The following ZNF568 variants were observed in gnomAD, a reference collection of about 807,000 sequenced individuals.
ZNF568 encodes p53 inhibitor of SCO2 activation.
In ZNF568, 11 loss-of-function variants were observed where a neutral mutation model predicts 18.1. The observed-to-expected ratio is 0.61, with a 90% CI of 0.38 to 1.00. The LOEUF (loss-of-function observed/expected upper bound fraction) is 1.00. Among genes scored for constraint, ZNF568 ranks in the 50% least tolerant of loss-of-function variants. The pLI is 0.01. For synonymous variants in ZNF568, 213 were observed against 246.6 expected, an observed-to-expected ratio of 0.86 and a Z score of 1.28; for missense variants, 639 against 768.2, an observed-to-expected ratio of 0.83 and a Z score of 1.99.
At chr19:36,973,582 G>C (rs2074255642) in intron 6 of ZNF568, 1 of 153,044 alleles carries the variant, frequency 6.5e-6, no homozygotes, top group Non-Finnish European at 1.5e-5. Flanking sequence ...GGAATGTTAG[G>C]AGGTCTAGGG....
At chr19:36,958,738 C>T (rs1458120896) in intron 6 of ZNF568, among the ~76,000 whole-genome samples, 2 of 150,766 alleles carry the variant, frequency 1.3e-5, no homozygotes, top group Admixed American at 6.6e-5. Flanking sequence ...CTTGCCTCAG[C>T]CTCCCAAGTA....
chr19:36,951,115 C>A lies in ZNF568; in HGVS notation c.*27C>A. 2 of 1,478,008 alleles carry A rather than the reference C, an allele frequency of 1.4e-6. No homozygotes were observed. Among genetic ancestry groups the A allele is most frequent in the Non-Finnish European group, 1.8e-6 (2 of 1,118,020 alleles). The allele number at this position is 1,478,008 out of a possible 1,614,324, so 91.6% of individuals were successfully genotyped here. A position where few individuals can be genotyped will look rare whatever the true frequency, so the allele number is the denominator to read the frequency against. Reference sequence around the variant, plus strand: ...TGAAAGAAGGCCTCTTAAATTCAACCCATGTTTTACTTAAAATATCTTGGC... The same window carrying A: ...TGAAAGAAGGCCTCTTAAATTCAACACATGTTTTACTTAAAATATCTTGGC... On this transcript the variant is annotated 3_prime_UTR_variant, in exon 7 of 7. Transcript: ENST00000333987.
At chr19:36,948,670 T>TTTTTTTTTTC in intron 6 of ZNF568, among the ~76,000 whole-genome samples, 1 of 148,434 alleles carries the variant, frequency 6.7e-6, no homozygotes, top group Non-Finnish European at 1.5e-5. Context: ...TTTTTTTTTT[T>TTTTTTTTTTC]TTTTTTTTTT....
At chr19:36,934,270 C>T in intron 4 of ZNF568, among the ~76,000 whole-genome samples, 1 of 145,420 alleles carries the variant, frequency 6.9e-6, no homozygotes. Flanking sequence ...CTTTTAGTTA[C>T]TTTGGATTTA....
At chr19:36,933,576 G>T (rs2073724836) in intron 4 of ZNF568, among the ~76,000 whole-genome samples, 2 of 151,916 alleles carry the variant, frequency 1.3e-5, no homozygotes, top group South Asian at 2.1e-4. Context: ...ATTCTGCTGG[G>T]GTAAATCCTA....
At chr19:36,934,337 C>T (rs1361974572) in intron 4 of ZNF568, among the ~76,000 whole-genome samples, 2 of 142,536 alleles carry the variant, frequency 1.4e-5, no homozygotes, top group African/African-American at 2.6e-5. Context: ...GAGGCAGAGT[C>T]TCACTCTGTC....
intron 4 of ZNF568, among the ~76,000 whole-genome samples, chr19:36,993,849 A>G (rs548947815): frequency 6.6e-6 from 1 of 151,802 alleles, no homozygotes; most frequent in Non-Finnish European, 1.5e-5. Flanking sequence ...CCAAAGACCA[A>G]CTTTTGGTCT....
At chr19:36,993,471 A>G (rs532520620) in intron 4 of ZNF568, among the ~76,000 whole-genome samples, 9 of 152,116 alleles carry the variant, frequency 5.9e-5, no homozygotes, top group South Asian at 2.1e-4. Flanking sequence ...TGAAGTGTTC[A>G]TGGAGGATTT....
intron 5 of ZNF568, 118 bp from the exon 6 acceptor site, chr19:36,937,029 C>T: frequency 7.4e-7 from 1 of 1,357,924 alleles, no homozygotes; most frequent in East Asian, 2.3e-5. Context: ...TACTTTGTGT[C>T]ATTGTGTAAG....
intron 2 of ZNF568, among the ~76,000 whole-genome samples, chr19:36,989,037 C>T (rs1363213745): frequency 6.6e-6 from 1 of 152,188 alleles, no homozygotes; most frequent in African/African-American, 2.4e-5. Context: ...GTTCTGCTCT[C>T]TGCTTCTGAA....
At chr19:36,947,871 A>G (rs2073992371) in intron 6 of ZNF568, among the ~76,000 whole-genome samples, 1 of 152,186 alleles carries the variant, frequency 6.6e-6, no homozygotes, top group Admixed American at 6.5e-5. Flanking sequence ...AAAAAGTACC[A>G]AGTATATGGA....
At chr19:36,991,235 C>G (rs1395095782) in exon 3 of ZNF568, 2 of 1,536,478 alleles carry the variant, frequency 1.3e-6, no homozygotes, top group Non-Finnish European at 1.7e-6. Flanking sequence ...AATGCTTGCA[C>G]TCTGCTCAGA....
intron 6 of ZNF568, among the ~76,000 whole-genome samples, chr19:36,971,362 A>T (rs1033588419): frequency 2.6e-5 from 4 of 151,786 alleles, no homozygotes; most frequent in Admixed American, 2.0e-4. Flanking sequence ...TGGATTTTTA[A>T]ATTTTGGTCC....
intron 6 of ZNF568, among the ~76,000 whole-genome samples, chr19:36,946,875 A>G (rs957470529): frequency 1.3e-5 from 2 of 151,686 alleles, no homozygotes; most frequent in East Asian, 1.9e-4. Context: ...TGAACTCCCA[A>G]CCTCTGGTGA....
intron 4 of ZNF568, among the ~76,000 whole-genome samples, chr19:36,927,559 T>C (rs1034651646): frequency 2.0e-5 from 3 of 151,982 alleles, no homozygotes; most frequent in Non-Finnish European, 2.9e-5. Context: ...ATATCAGTAC[T>C]GTACTTTGTG....
At chr19:36,963,169 G>T (rs112333158) in intron 6 of ZNF568, among the ~76,000 whole-genome samples, 2,588 of 152,232 alleles carry the variant, frequency 0.017, 33 homozygotes, top group African/African-American at 0.036. Flanking sequence ...GAATATTTGT[G>T]TAAAAATTAT....
At chr19:36,927,077 G>A (rs760388418) in intron 4 of ZNF568, among the ~76,000 whole-genome samples, 3 of 152,022 alleles carry the variant, frequency 2.0e-5, no homozygotes, top group African/African-American at 7.2e-5. Context: ...TTAGGACTTA[G>A]GATTTATGCA....
At chr19:36,945,282 C>T (rs1181679404) in intron 6 of ZNF568, among the ~76,000 whole-genome samples, 2 of 143,838 alleles carry the variant, frequency 1.4e-5, no homozygotes, top group African/African-American at 2.6e-5. Flanking sequence ...TACAATTGGC[C>T]CTCGGACAAC....
At chr19:36,934,374 T>C (rs1440228929) in intron 4 of ZNF568, among the ~76,000 whole-genome samples, 1 of 150,968 alleles carries the variant, frequency 6.6e-6, no homozygotes, top group Non-Finnish European at 1.5e-5. Flanking sequence ...AGTGGCATGA[T>C]CATGGCTCAG....
Sources: allele counts gnomAD v4.1 joint callset (sites outside exome capture counted in the v4.1 genomes callset), GRCh38; gene constraint gnomAD v4.1.1; transcripts MANE v1.5; gene names NCBI Gene and HGNC (gene_info 2026-07-23, HGNC 2026-07-21).